Variants in KIAA1671 observed in about 807,000 individuals in gnomAD.
KIAA1671 encodes KIAA1671.
KIAA1671 carries 52 observed loss-of-function variants against 131.2 expected under a neutral mutation model. The ratio of observed to expected loss-of-function variants is 0.40; its 90% CI spans 0.32 to 0.50. The LOEUF (loss-of-function observed/expected upper bound fraction) is 0.50, where lower values mean the gene tolerates loss of function less well. Ranked by LOEUF, KIAA1671 falls within the 20% of genes least tolerant of loss-of-function variation. The probability of loss-of-function intolerance (pLI) is 0.73; values close to 1 mark genes in which losing one functional copy is unlikely to be tolerated. For missense variants in KIAA1671, 2,360 were observed against 2,364.2 expected (o/e 1.00, Z 0.04); for synonymous variants, 1,003 against 961.6 (o/e 1.04, Z -0.80).
chr22:25,066,125 C>A (rs1468205654), intron 6 of KIAA1671, among the ~76,000 whole-genome samples: 1 of 151,780 alleles, frequency 6.6e-6, no homozygotes, highest in African/African-American at 2.4e-5. Context: ...CCCTTCAAGC[C>A]CTTTTATTTT....
chr22:25,175,229 TCTC>T (rs1933981374), intron 8 of KIAA1671: 2 of 152,274 alleles, frequency 1.3e-5, no homozygotes, highest in East Asian at 1.9e-4. Context: ...ATGTCATTAT[TCTC>T]CTCGCGTAAC....
At position 25,028,508 on chromosome 22, in the gene KIAA1671, G is replaced by T. The variant is rs1926088271; in HGVS notation, c.509G>T (p.Gly170Val). The T allele has an allele frequency of 3.2e-6, 5 of 1,549,502 alleles. No homozygotes were observed. The Admixed American group carries it at 7.9e-5, about 24-fold the overall frequency. ...GAGGGGGCGGAGGAGGCCAAGCTAG[G>T]TGTGTCCGGCTCCCGGCCTGAGGTG... ...VSEGAEEAKLGVSGSRPEVAA... is the reference protein window; with the variant it reads ...VSEGAEEAKLVVSGSRPEVAA... The change falls in exon 3 of 13, where the codon GGT becomes GTT. Residue 170 changes from glycine to valine, a missense_variant. Physicochemically the swap from Gly to Val is moderately radical, Grantham distance 109. Coordinates refer to ENST00000358431, the MANE Select transcript of KIAA1671 (RefSeq NM_001145206.2).
intron 6 of KIAA1671, among the ~76,000 whole-genome samples, chr22:25,122,577 T>G (rs572874306): frequency 6.6e-6 from 1 of 152,294 alleles, no homozygotes; most frequent in East Asian, 1.9e-4. Flanking sequence ...TAAAGCTGTT[T>G]TCTTCCATCT....
intron 1 of KIAA1671, among the ~76,000 whole-genome samples, chr22:24,959,645 C>CT (rs1278493844): frequency 6.6e-5 from 10 of 152,136 alleles, no homozygotes; most frequent in African/African-American, 2.4e-4. Context: ...GCAAGGCACT[C>CT]TATTTGTGAA....
chr22:24,960,934 C>G (rs1376232437), intron 1 of KIAA1671, among the ~76,000 whole-genome samples: 1 of 152,146 alleles, frequency 6.6e-6, no homozygotes. Flanking sequence ...GGCCATAGGA[C>G]ATGGCCTCTG....
chr22:25,055,493 A>G (rs939364749), intron 6 of KIAA1671: 2 of 149,982 alleles, frequency 1.3e-5, no homozygotes, highest in Non-Finnish European at 3.0e-5. Flanking sequence ...AAGCCAAGAT[A>G]GGAGGATTGC....
intron 1 of KIAA1671, among the ~76,000 whole-genome samples, chr22:24,999,401 T>C (rs1031855218): frequency 1.3e-5 from 2 of 151,910 alleles, no homozygotes; most frequent in Admixed American, 6.6e-5. Flanking sequence ...TGGCTAACTT[T>C]TCAATTTTTT....
chr22:25,003,547 GACTA>G (rs1347330856), intron 1 of KIAA1671, among the ~76,000 whole-genome samples: 1 of 151,706 alleles, frequency 6.6e-6, no homozygotes, highest in East Asian at 1.9e-4. Context: ...GAGCAGCTGG[GACTA>G]CAGGCACCTG....
At chr22:25,108,195 C>T (rs1369233703) in intron 6 of KIAA1671, among the ~76,000 whole-genome samples, 1 of 152,180 alleles carries the variant, frequency 6.6e-6, no homozygotes, top group Non-Finnish European at 1.5e-5. Flanking sequence ...CTTGACAACA[C>T]TGGGTATGAT....
chr22:25,179,551 C>T (rs902391016), intron 9 of KIAA1671: 3 of 1,582,048 alleles, frequency 1.9e-6, no homozygotes, highest in African/African-American at 2.7e-5. Flanking sequence ...CCTGCGCCTC[C>T]TGCGTTGGGA....
chr22:24,992,240 A>G (rs879695426), intron 1 of KIAA1671, among the ~76,000 whole-genome samples: 2 of 152,174 alleles, frequency 1.3e-5, no homozygotes, highest in Admixed American at 6.6e-5. Flanking sequence ...TAGGATGTCC[A>G]TGCCTAGGGC....
chr22:25,156,183 T>C (rs1212763249), intron 6 of KIAA1671, among the ~76,000 whole-genome samples: 1 of 150,088 alleles, frequency 6.7e-6, no homozygotes, highest in Non-Finnish European at 1.5e-5. Context: ...CCACCATGCC[T>C]GGCTAATATT....
intron 6 of KIAA1671, among the ~76,000 whole-genome samples, chr22:25,166,395 T>G (rs917376875): frequency 6.6e-6 from 1 of 152,086 alleles, no homozygotes; most frequent in South Asian, 2.1e-4. Flanking sequence ...CATGTTTTGG[T>G]TGGACACCAT....
intron 6 of KIAA1671, among the ~76,000 whole-genome samples, chr22:25,105,182 C>A (rs966445106): frequency 2.6e-5 from 4 of 152,086 alleles, no homozygotes; most frequent in Non-Finnish European, 5.9e-5. Flanking sequence ...CCACCACTCC[C>A]AGCTAATTTT....
At chr22:24,997,753 A>G (rs1924216444) in intron 1 of KIAA1671, among the ~76,000 whole-genome samples, 1 of 152,190 alleles carries the variant, frequency 6.6e-6, no homozygotes, top group African/African-American at 2.4e-5. Context: ...GAAAGTACAC[A>G]CATCTTAGGT....
At chr22:25,122,942 A>T (rs888190022) in intron 6 of KIAA1671, among the ~76,000 whole-genome samples, 2 of 151,914 alleles carry the variant, frequency 1.3e-5, no homozygotes, top group African/African-American at 2.4e-5. Context: ...GCCACTGCAC[A>T]CCAGCCGGGG....
At chr22:25,150,836 C>CCTTTTTTTTTTTT (rs1933010778) in intron 6 of KIAA1671, among the ~76,000 whole-genome samples, 1 of 125,924 alleles carries the variant, frequency 7.9e-6, no homozygotes, top group Non-Finnish European at 1.7e-5. Context: ...GGGTCCTTTG[C>CCTTTTTTTTTTTT]TTTTTTTTTT....
chr22:24,964,275 G>A (rs1400680787), intron 1 of KIAA1671, among the ~76,000 whole-genome samples: 2 of 152,006 alleles, frequency 1.3e-5, no homozygotes, highest in African/African-American at 4.8e-5. Flanking sequence ...GTTGCAGTGA[G>A]CCAAGATTGT....
At chr22:25,181,505 A>G (rs1179238401) in intron 9 of KIAA1671, among the ~76,000 whole-genome samples, 194 bp from the exon 10 acceptor site, 2 of 152,232 alleles carry the variant, frequency 1.3e-5, no homozygotes, top group African/African-American at 4.8e-5. Context: ...TCTTCTGGCA[A>G]GAAGCAGAGT....
Sources: allele counts gnomAD v4.1 joint callset (sites outside exome capture counted in the v4.1 genomes callset), GRCh38; gene constraint gnomAD v4.1.1; transcripts MANE v1.5; gene names NCBI Gene and HGNC (gene_info 2026-07-23, HGNC 2026-07-21).